Variants in ZNF782 observed in about 807,000 individuals in gnomAD.
The protein encoded by ZNF782 is zinc finger protein 782.
Under a neutral mutation model 13.0 loss-of-function variants are expected in ZNF782, and 12 were observed. The observed-to-expected ratio is 0.92, with a 90% CI of 0.59 to 1.50. The LOEUF (loss-of-function observed/expected upper bound fraction) is 1.50. Among genes scored for constraint, ZNF782 ranks in the 40% most tolerant of loss-of-function variants. The probability of loss-of-function intolerance (pLI) is 0.00; values close to 1 mark genes in which losing one functional copy is unlikely to be tolerated. For missense variants in ZNF782, 770 were observed against 822.9 expected, an observed-to-expected ratio of 0.94 and a Z score of 0.79; for synonymous variants, 284 against 283.0, an observed-to-expected ratio of 1.00 and a Z score of -0.04.
At chr9:96,887,342 A>AAAGGAAGG in the ZNF782 span, 1 of 107,634 alleles carries the variant, frequency 9.3e-6, no homozygotes, top group African/African-American at 3.6e-5. Flanking sequence ...AGGAAGGAAG[A>AAAGGAAGG]AAGAAAGAAA....
At chr9:96,877,487 G>A (rs1851908378), upstream of ZNF782, among the ~76,000 whole-genome samples, 1 of 152,262 alleles carries the variant, frequency 6.6e-6, no homozygotes, top group African/African-American at 2.4e-5. Context: ...CCTGGCAGAG[G>A]GGGCTGCAGC....
At chr9:96,895,302 G>C in the ZNF782 span, 1 of 152,150 alleles carries the variant, frequency 6.6e-6, no homozygotes, top group Admixed American at 6.5e-5. Flanking sequence ...GAGACTTATG[G>C]CATTAGCTAG....
intron 4 of ZNF782, among the ~76,000 whole-genome samples, chr9:96,836,453 G>A (rs571077840): frequency 7.9e-5 from 12 of 152,220 alleles, no homozygotes; most frequent in Non-Finnish European, 1.6e-4. Flanking sequence ...CACCCACCTT[G>A]GCCTCCCAAA....
the ZNF782 span, among the ~76,000 whole-genome samples, chr9:96,882,380 C>T: frequency 6.6e-6 from 1 of 152,120 alleles, no homozygotes; most frequent in African/African-American, 2.4e-5. Flanking sequence ...TTTCCTTTTG[C>T]ATATTTCATA....
intron 4 of ZNF782, among the ~76,000 whole-genome samples, chr9:96,833,241 T>C (rs1042281886): frequency 6.6e-6 from 1 of 152,104 alleles, no homozygotes; most frequent in Non-Finnish European, 1.5e-5. Flanking sequence ...GAAATTCCGA[T>C]GGCAGTTTTT....
At chr9:96,900,130 A>G in the ZNF782 span, among the ~76,000 whole-genome samples, 1 of 151,700 alleles carries the variant, frequency 6.6e-6, no homozygotes, top group Non-Finnish European at 1.5e-5. Context: ...AGATTGTCCT[A>G]TTTAATAGCC....
At chr9:96,828,226 T>C (rs1029041131) in intron 4 of ZNF782, among the ~76,000 whole-genome samples, 2 of 152,186 alleles carry the variant, frequency 1.3e-5, no homozygotes, top group Non-Finnish European at 2.9e-5. Flanking sequence ...AACCTCCTAA[T>C]TAATGACCAA....
the ZNF782 span, among the ~76,000 whole-genome samples, chr9:96,919,567 T>TA: frequency 4.6e-5 from 5 of 108,236 alleles, no homozygotes; most frequent in Non-Finnish European, 1.8e-5. Context: ...TCAAATGAGT[T>TA]TTTTTTTTTT....
At chr9:96,897,371 C>T in the ZNF782 span, among the ~76,000 whole-genome samples, 11,404 of 151,578 alleles carry the variant, frequency 0.075, 1,049 homozygotes, top group African/African-American at 0.25. Flanking sequence ...GGTTTGGAGA[C>T]GCTGGTCTGA....
intron 1 of ZNF782, among the ~76,000 whole-genome samples, chr9:96,871,302 A>T (rs1438262065): frequency 1.3e-5 from 2 of 151,602 alleles, no homozygotes; most frequent in East Asian, 3.9e-4. Flanking sequence ...TTTTTTAAAT[A>T]GATGTTGTCT....
chr9:96,867,722 G>C (rs1851776398), intron 1 of ZNF782, among the ~76,000 whole-genome samples: 1 of 152,206 alleles, frequency 6.6e-6, no homozygotes, highest in Non-Finnish European at 1.5e-5. Context: ...CATGGAGTCT[G>C]AGTTGTGCAG....
At chr9:96,880,493 G>T (rs1035617208), upstream of ZNF782, among the ~76,000 whole-genome samples, 1 of 152,170 alleles carries the variant, frequency 6.6e-6, no homozygotes, top group Non-Finnish European at 1.5e-5. Context: ...TATTATAAAT[G>T]GATGTTTGAT....
the ZNF782 span, chr9:96,898,228 C>T: frequency 2.8e-4 from 41 of 149,082 alleles, no homozygotes; most frequent in African/African-American, 8.6e-4. Flanking sequence ...TTGTGACAAA[C>T]ATCACCTGTA....
chr9:96,818,440 T>C lies in ZNF782; in HGVS notation c.1583A>G (p.His528Arg), dbSNP rs753559728. Residue 528 changes from histidine to arginine, a missense_variant, in exon 6 of 6, where the codon CAC (histidine) becomes CGC (arginine). His to Arg is a conservative substitution (Grantham distance 29, BLOSUM62 0). Transcript: ENST00000481138. ...KSGLRKHHRT[H>R]TGEKPYKCNQ... ...ACATTTGTAGGGCTTCTCCCCTGTG[T>C]GTGTTCTATGATGTTTCCTCAGGCC... 1.9e-6 allele frequency: 3 copies of C among 1,614,190 alleles called. No individual in the cohort carries two copies. The East Asian group carries it at 6.7e-5, about 36-fold the overall frequency.
intron 1 of ZNF782, among the ~76,000 whole-genome samples, chr9:96,864,877 T>TAAAAA (rs35546553): frequency 1.3e-4 from 12 of 92,832 alleles, no homozygotes; most frequent in African/African-American, 4.2e-4. Context: ...CAAAAAGAAC[T>TAAAAA]AAAAAAAAAA....
intron 3 of ZNF782, among the ~76,000 whole-genome samples, chr9:96,845,347 C>T (rs748312983): frequency 6.6e-6 from 1 of 152,090 alleles, no homozygotes; most frequent in Non-Finnish European, 1.5e-5. Flanking sequence ...CTGCAACCTC[C>T]GCATTCCTGG....
chr9:96,836,646 C>A (rs1015391691), intron 4 of ZNF782, among the ~76,000 whole-genome samples: 1 of 152,016 alleles, frequency 6.6e-6, no homozygotes, highest in African/African-American at 2.4e-5. Flanking sequence ...GAGCTAGGGG[C>A]AGAATGGTAT....
the ZNF782 span, among the ~76,000 whole-genome samples, chr9:96,930,301 G>C: frequency 6.6e-6 from 1 of 152,180 alleles, no homozygotes; most frequent in Non-Finnish European, 1.5e-5. Context: ...AAGGCATGTG[G>C]ATCACGAGGT....
rs564022947 is a variant in ZNF782, at chr9:96,831,492, G to A, written c.143-4311C>T. Among the ~76,000 whole-genome samples the A allele has an allele frequency of 5.9e-5, 9 of 152,088 alleles. No homozygotes were observed. In the East Asian group the frequency reaches 7.7e-4, roughly 13 times the overall value. ...TGGGAGGCCGAGACGGGCGGATCAC[G>A]AGGTCTGGAGATTGAGACCATCCTG... is the stretch of plus-strand genomic sequence containing the variant. On this transcript the variant is annotated intron_variant, in intron 4 of 5. Coordinates refer to ENST00000481138, the MANE Select transcript of ZNF782 (RefSeq NM_001001662.3).
Sources: allele counts gnomAD v4.1 joint callset (sites outside exome capture counted in the v4.1 genomes callset), GRCh38; gene constraint gnomAD v4.1.1; transcripts MANE v1.5; gene names NCBI Gene and HGNC (gene_info 2026-07-23, HGNC 2026-07-21).